The following SLC26A7 variants were observed in gnomAD, a reference collection of about 807,000 sequenced individuals.
SLC26A7 encodes the protein anion exchange transporter.
In SLC26A7, 59 loss-of-function variants were observed where a neutral mutation model predicts 82.5. The observed-to-expected ratio is 0.72, with a 90% CI of 0.58 to 0.89. The LOEUF is 0.89. SLC26A7 is among the 40% of genes least tolerant of loss of function. The pLI is 0.00. For synonymous variants in SLC26A7, 271 were observed against 274.3 expected (o/e 0.99, Z 0.12); for missense variants, 820 against 793.0 (o/e 1.03, Z -0.41).
At chr8:91,238,396 CTT>C (rs1304572136) in intron 2 of SLC26A7, among the ~76,000 whole-genome samples, 2 of 152,002 alleles carry the variant, frequency 1.3e-5, no homozygotes, top group African/African-American at 4.8e-5. Flanking sequence ...ATGAAAATAA[CTT>C]TTTATTCTAT....
intron 2 of SLC26A7, among the ~76,000 whole-genome samples, chr8:91,279,137 A>ATATATATATATATATATATG (rs1811492731): frequency 1.2e-4 from 12 of 100,388 alleles, no homozygotes; most frequent in Non-Finnish European, 2.5e-4. Context: ...ATATATATAT[A>ATATATATATATATATATATG]TATATATATA....
chr8:91,240,629 A>C (rs1206110809), intron 2 of SLC26A7, among the ~76,000 whole-genome samples: 3 of 152,184 alleles, frequency 2.0e-5, no homozygotes, highest in African/African-American at 7.2e-5. Context: ...TTCCTGAGAC[A>C]AATAAGCTTG....
chr8:91,393,808 C>T lies in SLC26A7; in HGVS notation c.1788C>T (p.Asp596=), dbSNP rs753755478. 1 of 1,613,452 alleles carries T rather than the reference C, an allele frequency of 6.2e-7. No individual in the cohort carries two copies. Among genetic ancestry groups the T allele is most frequent in the Admixed American group, 1.7e-5 (1 of 60,000 alleles). The change falls in exon 17 of 19, where the codon GAC becomes GAT. Residue 596 remains aspartate, a synonymous_variant. Coordinates refer to ENST00000276609, the MANE Select transcript of SLC26A7 (RefSeq NM_052832.4). ...GVSMLVEVYM[D]CKGRSVDVLL... Reference sequence around the variant, plus strand: ...TTTAATTCTTCCAGGTTTACATGGACTGTAAAGGCAGGAGTGTGGATGTAT... The same window carrying T: ...TTTAATTCTTCCAGGTTTACATGGATTGTAAAGGCAGGAGTGTGGATGTAT...
chr8:91,237,215 T>C (rs2130681007), intron 2 of SLC26A7, among the ~76,000 whole-genome samples: 1 of 152,374 alleles, frequency 6.6e-6, no homozygotes, highest in East Asian at 1.9e-4. Context: ...TAAATGACTT[T>C]TTTACTGTAT....
chr8:91,367,361 T>TAG (rs1342919176), intron 14 of SLC26A7, among the ~76,000 whole-genome samples: 1 of 152,230 alleles, frequency 6.6e-6, no homozygotes, highest in Non-Finnish European at 1.5e-5. Flanking sequence ...CTAAACGTGA[T>TAG]AGAATATGAT....
intron 2 of SLC26A7, among the ~76,000 whole-genome samples, chr8:91,233,607 AAAG>A (rs1484498485): frequency 6.6e-6 from 1 of 152,012 alleles, no homozygotes; most frequent in Non-Finnish European, 1.5e-5. Flanking sequence ...AGAAAAAGAA[AAAG>A]AAAACGTAGG....
chr8:91,273,999 T>C (rs6989562), intron 2 of SLC26A7, among the ~76,000 whole-genome samples: 29,745 of 151,996 alleles, frequency 0.2, 3,650 homozygotes, highest in African/African-American at 0.34. Context: ...GTCAGGAAGA[T>C]CTCGGTTTTT....
chr8:91,389,157 G>C (rs1221579400), intron 15 of SLC26A7, among the ~76,000 whole-genome samples, 181 bp from the exon 16 acceptor site: 1 of 152,056 alleles, frequency 6.6e-6, no homozygotes, highest in Non-Finnish European at 1.5e-5. Context: ...TTGCATTCCA[G>C]TAATACAAAA....
At chr8:91,318,004 A>T (rs549015473) in intron 4 of SLC26A7, among the ~76,000 whole-genome samples, 8 of 144,292 alleles carry the variant, frequency 5.5e-5, no homozygotes, top group East Asian at 2.0e-4. Flanking sequence ...AAATTAAATT[A>T]AAAAAAAAAG....
intron 2 of SLC26A7, among the ~76,000 whole-genome samples, chr8:91,226,239 C>G (rs1382629723): frequency 1.3e-5 from 2 of 152,148 alleles, no homozygotes; most frequent in Admixed American, 1.3e-4. Context: ...AAAATAGAAC[C>G]TCAAATGACT....
At chr8:91,289,339 C>A in intron 3 of SLC26A7, 93 bp downstream of exon 3, 1 of 943,264 alleles carries the variant, frequency 1.1e-6, no homozygotes, top group Non-Finnish European at 1.7e-6. Context: ...GTTAATGTCA[C>A]TGCTGAAAAC....
At chr8:91,287,162 C>G (rs1261801219) in intron 2 of SLC26A7, among the ~76,000 whole-genome samples, 2 of 152,126 alleles carry the variant, frequency 1.3e-5, no homozygotes, top group African/African-American at 4.8e-5. Flanking sequence ...GTAGAAGAAT[C>G]TCCTGACATG....
chr8:91,344,024 T>TGAC (rs1813492621), intron 9 of SLC26A7: 1 of 977,492 alleles, frequency 1.0e-6, no homozygotes, highest in African/African-American at 1.8e-5. Flanking sequence ...ATGATGATGA[T>TGAC]GACGATGTTG....
chr8:91,283,583 T>C (rs1811630855), intron 2 of SLC26A7, among the ~76,000 whole-genome samples: 2 of 152,212 alleles, frequency 1.3e-5, no homozygotes, highest in African/African-American at 4.8e-5. Flanking sequence ...ACTCTTACTC[T>C]TTCTCTTATG....
chr8:91,300,428 T>C (rs1423472048), intron 4 of SLC26A7, among the ~76,000 whole-genome samples: 17 of 151,818 alleles, frequency 1.1e-4, no homozygotes, highest in African/African-American at 2.9e-4. Context: ...GACGGAGTCT[T>C]GCTCTGTCAC....
intron 3 of SLC26A7, among the ~76,000 whole-genome samples, chr8:91,293,403 A>G (rs926562740): frequency 6.6e-6 from 1 of 152,238 alleles, no homozygotes; most frequent in Non-Finnish European, 1.5e-5. Context: ...ATAATATAGA[A>G]TGTCATCCAC....
intron 9 of SLC26A7, among the ~76,000 whole-genome samples, chr8:91,350,211 G>C (rs2130854163): frequency 6.6e-6 from 1 of 152,128 alleles, no homozygotes; most frequent in African/African-American, 2.4e-5. Flanking sequence ...TTGCTTAGCA[G>C]AATAATTATA....
chr8:91,310,475 G>A (rs749839204), intron 4 of SLC26A7, among the ~76,000 whole-genome samples: 110 of 152,234 alleles, frequency 7.2e-4, no homozygotes, highest in Non-Finnish European at 1.2e-3. Context: ...ATCCCTCACT[G>A]AGGATCTGGA....
chr8:91,326,433 A>G (rs907787711), intron 5 of SLC26A7, among the ~76,000 whole-genome samples: 1 of 151,874 alleles, frequency 6.6e-6, no homozygotes, highest in African/African-American at 2.4e-5. Flanking sequence ...GCTTCCTCAC[A>G]TGGTGGAACC....
Sources: allele counts gnomAD v4.1 joint callset (sites outside exome capture counted in the v4.1 genomes callset), GRCh38; gene constraint gnomAD v4.1.1; transcripts MANE v1.5; gene names NCBI Gene and HGNC (gene_info 2026-07-23, HGNC 2026-07-21).